The following SEZ6 variants were observed in gnomAD, a reference collection of about 807,000 sequenced individuals.
The protein encoded by SEZ6 is seizure related 6 homolog, also known as seizure protein 6 homolog.
SEZ6 carries 53 observed loss-of-function variants against 101.0 expected under a neutral mutation model. The observed-to-expected ratio is 0.52, with a 90% CI of 0.42 to 0.66. SEZ6 has a LOEUF of 0.66. SEZ6 is among the 30% of genes least tolerant of loss of function. The pLI is 0.00. For missense variants in SEZ6, 1,102 were observed against 1,289.4 expected (o/e 0.85, Z 2.23); for synonymous variants, 488 against 512.2 (o/e 0.95, Z 0.64).
At chr17:28,961,752 T>C (rs1432432581) in intron 5 of SEZ6, among the ~76,000 whole-genome samples, 8 of 151,990 alleles carry the variant, frequency 5.3e-5, no homozygotes, top group African/African-American at 1.9e-4. Context: ...CAGAGAGGGG[T>C]CCTCAGGCAA....
chr17:28,960,160 T>G, intron 7 of SEZ6: 1 of 577,190 alleles, frequency 1.7e-6, no homozygotes, highest in South Asian at 2.1e-5. Flanking sequence ...ACATGTTTTT[T>G]GAATGAATTA....
At chr17:28,969,394 G>A (rs1490408798) in intron 4 of SEZ6, among the ~76,000 whole-genome samples, 1 of 152,128 alleles carries the variant, frequency 6.6e-6, no homozygotes, top group African/African-American at 2.4e-5. Flanking sequence ...AACTCCTTGA[G>A]GACAAGGACC....
chr17:28,990,731 G>A (rs2041444942), intron 1 of SEZ6, among the ~76,000 whole-genome samples: 1 of 151,460 alleles, frequency 6.6e-6, no homozygotes, highest in Non-Finnish European at 1.5e-5. Context: ...CCATCTCCCG[G>A]CTATAAAAAA....
At chr17:28,965,080 G>A (rs1475205913) in intron 4 of SEZ6, among the ~76,000 whole-genome samples, 1 of 150,986 alleles carries the variant, frequency 6.6e-6, no homozygotes, top group Admixed American at 6.6e-5. Context: ...AGCCGGGAGT[G>A]GTGGCTCATG....
At chr17:28,988,277 G>A (rs2041410018) in intron 1 of SEZ6, among the ~76,000 whole-genome samples, 1 of 152,136 alleles carries the variant, frequency 6.6e-6, no homozygotes, top group African/African-American at 2.4e-5. Context: ...CCTCCTGGGG[G>A]CACTTCCTAG....
At chr17:28,956,050 A>T (rs2040872910) in intron 16 of SEZ6, 56 bp from the exon 17 acceptor site, 4 of 1,603,968 alleles carry the variant, frequency 2.5e-6, no homozygotes, top group Non-Finnish European at 3.4e-6. Flanking sequence ...CACCTTCCCT[A>T]GGAAAAGGGA....
At chr17:28,971,726 A>G (rs1678562198) in intron 3 of SEZ6, among the ~76,000 whole-genome samples, 2 of 152,240 alleles carry the variant, frequency 1.3e-5, no homozygotes, top group Admixed American at 1.3e-4. Flanking sequence ...GCTCTGAAGC[A>G]GGGTTTCAAG....
intron 14 of SEZ6, 69 bp from the exon 15 acceptor site, chr17:28,956,536 G>A: frequency 6.6e-7 from 1 of 1,505,152 alleles, no homozygotes; most frequent in African/African-American, 1.4e-5. Context: ...TCTCACCTCT[G>A]CCCAAGGGCA....
chr17:28,969,712 G>T (rs1483857698), intron 4 of SEZ6, 45 bp downstream of exon 4: 1 of 1,409,788 alleles, frequency 7.1e-7, no homozygotes, highest in Non-Finnish European at 9.2e-7. Context: ...AGCAAGGAGG[G>T]CAGCGAGTCT....
At chr17:28,996,144 C>T (rs1465287008) in intron 1 of SEZ6, among the ~76,000 whole-genome samples, 3 of 145,404 alleles carry the variant, frequency 2.1e-5, no homozygotes, top group African/African-American at 5.0e-5. Context: ...GGGACTACAG[C>T]GGGTGCCTGT....
chr17:28,969,514 T>A (rs576421892), intron 4 of SEZ6, among the ~76,000 whole-genome samples: 57 of 152,322 alleles, frequency 3.7e-4, no homozygotes, highest in African/African-American at 1.4e-3. Context: ...ACCTAGAGGC[T>A]ACCTGATCCT....
chr17:28,961,181 C>T (rs1011019747), intron 5 of SEZ6, among the ~76,000 whole-genome samples: 4 of 152,230 alleles, frequency 2.6e-5, no homozygotes, highest in African/African-American at 7.2e-5. Flanking sequence ...AGAATCCTGC[C>T]GCCTAACCTT....
chr17:28,960,335 G>A, intron 7 of SEZ6, 170 bp downstream of exon 7: 1 of 864,428 alleles, frequency 1.2e-6, no homozygotes, highest in Non-Finnish European at 1.8e-6. Flanking sequence ...AGGGATCCCG[G>A]ACCCAAAGAG....
At position 29,005,457 on chromosome 17, in the gene SEZ6, C is replaced by G. The variant is rs900314229; in HGVS notation, c.55+358G>C. 6.6e-6 allele frequency among the ~76,000 whole-genome samples: 1 copy of G among 152,202 alleles called. No individual in the cohort carries two copies. The highest frequency in any genetic ancestry group is 1.5e-5 in the Non-Finnish European group (1 of 68,026). The stretch of plus-strand genomic sequence containing the variant: ...GTCCCGACTCACTGCCTTGCGCCCC[C>G]CGGCACGCGCCCCAGCACCCTGAGA... On this transcript the variant is annotated intron_variant, in intron 1 of 16. Coordinates refer to ENST00000317338, the MANE Select transcript of SEZ6 (RefSeq NM_178860.5). The surrounding 1 kb of genome is among the most constrained non-coding windows in gnomAD (Gnocchi z 4.8).
At chr17:28,970,352 G>A (rs2041134124) in intron 3 of SEZ6, among the ~76,000 whole-genome samples, 1 of 152,180 alleles carries the variant, frequency 6.6e-6, no homozygotes, top group African/African-American at 2.4e-5. Context: ...CTGGTCAGCA[G>A]TATGAGGTCT....
At chr17:28,982,177 C>A in intron 1 of SEZ6, 138 bp from the exon 2 acceptor site, 1 of 1,407,624 alleles carries the variant, frequency 7.1e-7, no homozygotes, top group Non-Finnish European at 9.3e-7. Flanking sequence ...AATCACGGAA[C>A]TACAGAATTT....
chr17:28,960,310 C>G (rs2040955271), intron 7 of SEZ6, 195 bp downstream of exon 7: 1 of 729,310 alleles, frequency 1.4e-6, no homozygotes, highest in South Asian at 1.8e-5. Flanking sequence ...CAGAGGTTTC[C>G]TGCAAAGCTG....
intron 5 of SEZ6, among the ~76,000 whole-genome samples, chr17:28,962,441 C>T (rs980655655): frequency 2.6e-5 from 4 of 152,202 alleles, no homozygotes; most frequent in Admixed American, 2.0e-4. Flanking sequence ...CTGTGTTATT[C>T]AACTCTGGTT....
At chr17:28,975,775 G>A (rs1296320441) in intron 3 of SEZ6, among the ~76,000 whole-genome samples, 1 of 152,254 alleles carries the variant, frequency 6.6e-6, no homozygotes, top group Non-Finnish European at 1.5e-5. Flanking sequence ...GCCTGGCATG[G>A]GCGAGCTGTG....
Sources: allele counts gnomAD v4.1 joint callset (sites outside exome capture counted in the v4.1 genomes callset), GRCh38; gene constraint gnomAD v4.1.1; non-coding constraint Gnocchi (gnomAD v3.1); transcripts MANE v1.5; gene names NCBI Gene and HGNC (gene_info 2026-07-23, HGNC 2026-07-21).